The following THYN1 variants were observed in gnomAD, a reference collection of about 807,000 sequenced individuals.
THYN1 encodes thymocyte protein thy28.
THYN1 carries 32 observed loss-of-function variants against 30.6 expected under a neutral mutation model. That is an observed-to-expected ratio of 1.05 (90% CI 0.79 to 1.40). The LOEUF is 1.40. THYN1 is among the 40% of genes most tolerant of loss of function. THYN1 has a pLI of 0.00. For synonymous variants in THYN1, 107 were observed against 90.8 expected, an observed-to-expected ratio of 1.18 and a Z score of -1.01; for missense variants, 259 against 272.6, an observed-to-expected ratio of 0.95 and a Z score of 0.35.
intron 4 of THYN1, 57 bp from the exon 5 acceptor site, chr11:134,249,319 C>T: frequency 6.5e-7 from 1 of 1,540,014 alleles, no homozygotes. Context: ...CACAGCCAAT[C>T]TTTTAATCCA....
chr11:134,250,659 A>C (rs568197559), intron 2 of THYN1, among the ~76,000 whole-genome samples: 1 of 152,320 alleles, frequency 6.6e-6, no homozygotes, highest in East Asian at 1.9e-4. Context: ...GGCTATATTA[A>C]ATTCCCTGAA....
At chr11:134,249,534 C>G (rs1413320964) in intron 4 of THYN1, among the ~76,000 whole-genome samples, 1 of 152,112 alleles carries the variant, frequency 6.6e-6, no homozygotes, top group Non-Finnish European at 1.5e-5. Context: ...CCCCTCTGCA[C>G]AGTTAATAAT....
In THYN1 at chr11:134,253,321, G is replaced by A. The variant is rs901882657; in HGVS notation, c.-439C>T. 1 of 1,400,198 alleles carries A rather than the reference G, an allele frequency of 7.1e-7. No homozygotes were observed. The highest frequency in any genetic ancestry group is 1.5e-5 in the South Asian group (1 of 65,386). The allele number at this position is 1,400,198 out of a possible 1,614,324, so 86.7% of individuals were successfully genotyped here. On this transcript the variant is annotated 5_prime_UTR_variant, in exon 1 of 7. Transcript: ENST00000341541. ...GACCCAACACTCTGCAGACTCGACT[G>A]CGGTCCGCCTCCGCTGCGCCGCAGG...
At chr11:134,250,739 T>C (rs1384357853) in intron 2 of THYN1, among the ~76,000 whole-genome samples, 1 of 152,176 alleles carries the variant, frequency 6.6e-6, no homozygotes, top group East Asian at 1.9e-4. Context: ...TAACCTAAGA[T>C]TGAGGTTGGC....
intron 4 of THYN1, among the ~76,000 whole-genome samples, chr11:134,249,590 A>C (rs1219715367): frequency 6.6e-6 from 1 of 151,956 alleles, no homozygotes; most frequent in Admixed American, 6.6e-5. Flanking sequence ...CCTGTTTTCG[A>C]GTGAGATCAA....
At position 134,253,029 on chromosome 11, in the gene THYN1, G is replaced by C. The variant is rs1474051978; in HGVS notation, c.-147C>G. 4.2e-6 allele frequency: 6 copies of C among 1,426,644 alleles called. No individual in the cohort carries two copies. The Admixed American group carries it at 1.2e-4, about 29-fold the overall frequency. 88.4% of individuals were successfully genotyped at this position (1,426,644 alleles called of 1,614,324 possible). On this transcript the variant is annotated 5_prime_UTR_variant, in exon 1 of 7. Coordinates refer to ENST00000341541, the MANE Select transcript of THYN1 (RefSeq NM_014174.3). ...ACGTCTCCAACTTTTGCGAAACACA[G>C]ACGCCTACGTTTGAGCCCTCAAATC...
At chr11:134,249,540 A>G (rs1938949456) in intron 4 of THYN1, among the ~76,000 whole-genome samples, 1 of 152,178 alleles carries the variant, frequency 6.6e-6, no homozygotes, top group African/African-American at 2.4e-5. Context: ...TGCACAGTTA[A>G]TAATTTTATC....
intron 1 of THYN1, 50 bp downstream of exon 1, chr11:134,252,790 G>A (rs199574280): frequency 2.5e-6 from 4 of 1,608,944 alleles, no homozygotes; most frequent in East Asian, 2.2e-5. Flanking sequence ...CAGGCTCTTC[G>A]AGAAAAGTTT....
intron 6 of THYN1, 76 bp downstream of exon 6, chr11:134,248,733 G>GT (rs1291231538): frequency 1.3e-5 from 21 of 1,585,556 alleles, no homozygotes; most frequent in Admixed American, 3.5e-5. Flanking sequence ...CCATGCCCAA[G>GT]TTTAATCAGC....
Position 134,251,450 on chromosome 11 carries a change from A to C in THYN1, c.44-142T>G, listed in dbSNP as rs1037916968. ...GTAGGAACTTAATCTTACTGTTAAG[A>C]AGCTTTCCTTATCTATAAAAATTAG... is the stretch of plus-strand genomic sequence containing the variant. On this transcript the variant is annotated intron_variant, in intron 1 of 6. Coordinates refer to ENST00000341541, the MANE Select transcript of THYN1 (RefSeq NM_014174.3). 5.4e-6 allele frequency: 5 copies of C among 928,744 alleles called. No homozygotes were observed. In the South Asian group the frequency reaches 6.7e-5, roughly 12 times the overall value. 57.5% of individuals were successfully genotyped at this position (928,744 alleles called of 1,614,324 possible).
chr11:134,251,028 C>T, intron 2 of THYN1, 102 bp downstream of exon 2: 2 of 1,287,156 alleles, frequency 1.6e-6, no homozygotes, highest in Non-Finnish European at 2.1e-6. Flanking sequence ...TTTTCCTTCC[C>T]TTCAAAGATA....
intron 1 of THYN1, 58 bp downstream of exon 1, chr11:134,252,782 G>T: frequency 6.3e-7 from 1 of 1,596,036 alleles, no homozygotes; most frequent in Non-Finnish European, 8.6e-7. Context: ...GTACTAAACA[G>T]GCTCTTCGAG....
rs1939181988 is a variant in THYN1, at chr11:134,252,896, G to A, written c.-14C>T. On this transcript the variant is annotated 5_prime_UTR_variant, in exon 1 of 7. Transcript: ENST00000341541. ...GGGTCTCGACATGGTCACGCTGCAGGGGACTTTAGTGCGGACGATTCTGGA... is the reference window on the plus strand; with the variant it reads ...GGGTCTCGACATGGTCACGCTGCAGAGGACTTTAGTGCGGACGATTCTGGA... The A allele has an allele frequency of 1.3e-6, 2 of 1,583,772 alleles. No homozygotes were observed. The highest frequency in any genetic ancestry group is 1.7e-6 in the Non-Finnish European group (2 of 1,169,848).
intron 5 of THYN1, 104 bp from the exon 6 acceptor site, chr11:134,249,063 C>A (rs1390501487): frequency 3.9e-6 from 6 of 1,553,436 alleles, no homozygotes; most frequent in African/African-American, 2.7e-5. Flanking sequence ...ATCACCTCAT[C>A]TGAGTAAGTG....
At chr11:134,252,436 C>T (rs1207457798) in intron 1 of THYN1, among the ~76,000 whole-genome samples, 2 of 152,146 alleles carry the variant, frequency 1.3e-5, no homozygotes, top group Non-Finnish European at 2.9e-5. Context: ...AAACTTTGCC[C>T]GTGGAAAGTC....
In THYN1 at chr11:134,253,295, A is replaced by C. The variant is rs1343729328; in HGVS notation, c.-413T>G. 1.6e-5 allele frequency: 22 copies of C among 1,373,834 alleles called. No homozygotes were observed. The highest frequency in any genetic ancestry group is 2.1e-5 in the Non-Finnish European group (22 of 1,064,576). The allele number at this position is 1,373,834 out of a possible 1,614,324, so 85.1% of individuals were successfully genotyped here. ...GATGATGAAGTAATTTGCTGGCTAC[A>C]GACCCAACACTCTGCAGACTCGACT... On this transcript the variant is annotated 5_prime_UTR_variant, in exon 1 of 7. Transcript: ENST00000341541.
At chr11:134,250,431 A>C in intron 2 of THYN1, 88 bp from the exon 3 acceptor site, 17 of 1,408,752 alleles carry the variant, frequency 1.2e-5, no homozygotes, top group Non-Finnish European at 1.1e-5. Context: ...TTCCCCTAAA[A>C]TGAGAGGGGC....
intron 1 of THYN1, among the ~76,000 whole-genome samples, chr11:134,252,498 C>T (rs1029487606): frequency 6.6e-6 from 1 of 152,192 alleles, no homozygotes; most frequent in Non-Finnish European, 1.5e-5. Flanking sequence ...GAGGCCTTCC[C>T]CGTGATTCCT....
rs113636914 is a variant in THYN1 at position 134,249,963 on chromosome 11, G to T, written c.292-43C>A. 8,446 of 1,582,432 alleles carry T rather than the reference G, an allele frequency of 5.3e-3. 25 individuals are homozygous for T. Among genetic ancestry groups the T allele is most frequent in the Non-Finnish European group, 5.7e-3 (6,608 of 1,157,128 alleles). ...AGAGTAACTATCCTCCCACCAGCTG[G>T]AAAGTACTAGCTTTTAGCAGAAATC... is the stretch of plus-strand genomic sequence containing the variant. On this transcript the variant is annotated intron_variant, in intron 3 of 6. Coordinates refer to ENST00000341541, the MANE Select transcript of THYN1 (RefSeq NM_014174.3).
Sources: allele counts gnomAD v4.1 joint callset (sites outside exome capture counted in the v4.1 genomes callset), GRCh38; gene constraint gnomAD v4.1.1; transcripts MANE v1.5; gene names NCBI Gene and HGNC (gene_info 2026-07-23, HGNC 2026-07-21).